PALLD: variants seen among roughly 807,000 people sequenced by gnomAD.
The protein encoded by PALLD is palladin, cytoskeletal associated protein.
In PALLD, 61 loss-of-function variants were observed where a neutral mutation model predicts 123.5. The ratio of observed to expected loss-of-function variants is 0.49; its 90% CI spans 0.40 to 0.61. The LOEUF is 0.61. PALLD is among the 20% of genes least tolerant of loss of function. The pLI is 0.00. For missense variants in PALLD, 1,273 were observed against 1,377.0 expected, an observed-to-expected ratio of 0.92 and a Z score of 1.20; for synonymous variants, 465 against 496.4, an observed-to-expected ratio of 0.94 and a Z score of 0.84.
At position 168,830,349 on chromosome 4, in the gene PALLD, A is replaced by G. The variant is rs141516496; in HGVS notation, c.1965-60573A>G. 3.5e-5 allele frequency among the ~76,000 whole-genome samples: 5 copies of G among 143,168 alleles called. No individual in the cohort carries two copies. The Admixed American group carries it at 3.6e-4, about 10-fold the overall frequency. The allele number at this position is 143,168 out of a possible 152,430, so 93.9% of individuals were successfully genotyped here. On this transcript the variant is annotated intron_variant, in intron 10 of 21. Coordinates refer to ENST00000505667, the MANE Select transcript of PALLD (RefSeq NM_001166108.2). ...AGACCAGCCTGGACAACATAGCGAG[A>G]CGTTGTCTTGAACAAAAAAAAATGT...
intron 10 of PALLD, chr4:168,832,007 A>G (rs1561573849): frequency 1.0e-6 from 1 of 985,346 alleles, no homozygotes; most frequent in Non-Finnish European, 1.2e-6. Flanking sequence ...CCGGACTCTT[A>G]TTTTGAAGGG....
chr4:168,660,275 C>T (rs139183511), intron 2 of PALLD, among the ~76,000 whole-genome samples: 1 of 152,162 alleles, frequency 6.6e-6, no homozygotes, highest in East Asian at 1.9e-4. Context: ...AGCTGCAGCC[C>T]CTTGATTTTA....
rs1762733158 is a variant in PALLD, at chr4:168,927,702, C to T, written c.*1522C>T. 1 of 224,930 alleles carries T rather than the reference C, an allele frequency of 4.4e-6. No homozygotes were observed. Among genetic ancestry groups the T allele is most frequent in the East Asian group, 6.4e-5 (1 of 15,558 alleles). 13.9% of individuals were successfully genotyped at this position (224,930 alleles called of 1,614,324 possible). On this transcript the variant is annotated 3_prime_UTR_variant, in exon 22 of 22. Coordinates refer to ENST00000505667, the MANE Select transcript of PALLD (RefSeq NM_001166108.2). ...TGCTGGATTCCAAGGTTTGTAAAGG[C>T]ATCTCGGTAAAGACTGCTTTTTGAA...
chr4:168,687,705 A>G (rs1782211469), intron 6 of PALLD, among the ~76,000 whole-genome samples: 1 of 152,204 alleles, frequency 6.6e-6, no homozygotes, highest in South Asian at 2.1e-4. Context: ...ACTCTCAAAT[A>G]CTAAGTACAA....
intron 15 of PALLD, among the ~76,000 whole-genome samples, chr4:168,906,478 T>C (rs931646795): frequency 1.3e-5 from 2 of 152,116 alleles, no homozygotes; most frequent in East Asian, 1.9e-4. Context: ...TCATTTAAAC[T>C]CTCTTGACAA....
Position 168,559,624 on chromosome 4 carries a change from T to C in PALLD, c.908+47212T>C, listed in dbSNP as rs553540227. On this transcript the variant is annotated intron_variant, in intron 2 of 21. Transcript: ENST00000505667. ...AAGAAAGCAATACATAGGCTGGGTG[T>C]GGTGGCTCACACCTATAATCTCAGC... Among the ~76,000 whole-genome samples, 37 of 152,244 alleles carry C rather than the reference T, an allele frequency of 2.4e-4. No homozygotes were observed. The South Asian group carries it at 7.7e-3, about 32-fold the overall frequency.
chr4:168,875,202 GAAAA>G (rs914437042), intron 10 of PALLD, among the ~76,000 whole-genome samples: 1 of 147,782 alleles, frequency 6.8e-6, no homozygotes, highest in African/African-American at 2.5e-5. Context: ...AAAGACAGCA[GAAAA>G]AAAAACGGAG....
intron 10 of PALLD, among the ~76,000 whole-genome samples, chr4:168,810,216 A>G (rs746721851): frequency 6.6e-6 from 1 of 152,176 alleles, no homozygotes; most frequent in Non-Finnish European, 1.5e-5. Flanking sequence ...AAAAGAGCAT[A>G]TATAGACCAT....
intron 10 of PALLD, among the ~76,000 whole-genome samples, chr4:168,720,960 G>A (rs2150259556): frequency 6.6e-6 from 1 of 152,200 alleles, no homozygotes; most frequent in South Asian, 2.1e-4. Context: ...GGCTAATTGT[G>A]CTTTGCTGTG....
chr4:168,892,136 A>G (rs1250060627), intron 11 of PALLD, among the ~76,000 whole-genome samples: 1 of 152,182 alleles, frequency 6.6e-6, no homozygotes, highest in East Asian at 1.9e-4. Flanking sequence ...TGTTGATGCT[A>G]TCCTTTTAAA....
chr4:168,746,380 CAAAAAAAA>C (rs747755592), intron 10 of PALLD, among the ~76,000 whole-genome samples: 3,936 of 36,660 alleles, frequency 0.11, 64 homozygotes, highest in Non-Finnish European at 0.14. Context: ...GAACCCGTCT[CAAAAAAAA>C]AAAAAAAAAA....
intron 5 of PALLD, among the ~76,000 whole-genome samples, chr4:168,684,412 C>G (rs1256059684): frequency 6.6e-6 from 1 of 152,186 alleles, no homozygotes; most frequent in Non-Finnish European, 1.5e-5. Flanking sequence ...AAGTAATGCT[C>G]TGGAACCAGA....
At chr4:168,786,734 C>T (rs527304058) in intron 10 of PALLD, among the ~76,000 whole-genome samples, 1 of 152,184 alleles carries the variant, frequency 6.6e-6, no homozygotes, top group African/African-American at 2.4e-5. Flanking sequence ...CTATGAAGTA[C>T]AATTGAATTT....
chr4:168,559,694 C>T (rs1286763719), intron 2 of PALLD, among the ~76,000 whole-genome samples: 3 of 151,916 alleles, frequency 2.0e-5, no homozygotes, highest in Non-Finnish European at 2.9e-5. Flanking sequence ...CCCAGGAGGT[C>T]GAGACAGGCC....
Position 168,923,426 on chromosome 4 carries a change from G to A in PALLD, c.3059-829G>A, listed in dbSNP as rs1268974533. On this transcript the variant is annotated intron_variant, in intron 18 of 21. Coordinates refer to ENST00000505667, the MANE Select transcript of PALLD (RefSeq NM_001166108.2). ...AAAGGAATGCATTCTCAGATTCATT[G>A]TTGGTAGTTCAAAAGAAAATAAGTA... Among the ~76,000 whole-genome samples, 3 of 152,320 alleles carry A rather than the reference G, an allele frequency of 2.0e-5. No homozygotes were observed. The East Asian group carries it at 5.8e-4, about 29-fold the overall frequency.
chr4:168,915,951 T>C lies in PALLD; in HGVS notation c.2774T>C (p.Phe925Ser). 1 of 1,613,130 alleles carries C rather than the reference T, an allele frequency of 6.2e-7. No individual in the cohort carries two copies. The highest frequency in any genetic ancestry group is 8.5e-7 in the Non-Finnish European group (1 of 1,179,064). Reference protein sequence around the residue: ...GDENEPIQERFFRPHFLQAPG... With the variant: ...GDENEPIQERSFRPHFLQAPG... ...GAAAATGAACCAATTCAGGAGCGAT[T>C]CTTCAGACCTCACTTCTTGCAGGCT... The change falls in exon 17 of 22, where the codon TTC becomes TCC. Residue 925 changes from phenylalanine (F) to serine (S), a missense_variant. Phe to Ser is a radical substitution (Grantham distance 155, BLOSUM62 -2). This residue lies in a region of PALLD where 329 missense variants were observed against 422.5 expected (regional missense o/e 0.78). Coordinates refer to ENST00000505667, the MANE Select transcript of PALLD (RefSeq NM_001166108.2).
At chr4:168,605,963 A>C (rs977837295) in intron 2 of PALLD, among the ~76,000 whole-genome samples, 3 of 151,980 alleles carry the variant, frequency 2.0e-5, no homozygotes, top group East Asian at 1.9e-4. Context: ...AATTTCTAGA[A>C]ATCTCTTTTT....
chr4:168,509,527 T>C (rs1762333246), intron 1 of PALLD, among the ~76,000 whole-genome samples: 1 of 152,216 alleles, frequency 6.6e-6, no homozygotes, highest in Admixed American at 6.5e-5. Context: ...ATACGAGCCA[T>C]ATCTGAATAA....
intron 4 of PALLD, 95 bp downstream of exon 4, chr4:168,681,493 A>T: frequency 1.2e-6 from 1 of 822,148 alleles, no homozygotes; most frequent in South Asian, 1.4e-5. Context: ...TTGAAGAAAA[A>T]AGTCAACTGA....
Sources: allele counts gnomAD v4.1 joint callset (sites outside exome capture counted in the v4.1 genomes callset), GRCh38; gene constraint gnomAD v4.1.1; regional missense constraint gnomAD v4.1.1; transcripts MANE v1.5; gene names NCBI Gene and HGNC (gene_info 2026-07-23, HGNC 2026-07-21).